Variants in GRM7 observed in about 807,000 individuals in gnomAD.
GRM7 encodes the protein metabotropic glutamate receptor 7.
Under a neutral mutation model 84.5 loss-of-function variants are expected in GRM7, and 35 were observed. The ratio of observed to expected loss-of-function variants is 0.41; its 90% CI spans 0.32 to 0.55. The LOEUF (loss-of-function observed/expected upper bound fraction) is 0.55. Among genes scored for constraint, GRM7 ranks in the 20% least tolerant of loss-of-function variants. GRM7 has a pLI of 0.19. For missense variants in GRM7, 1,003 were observed against 1,194.6 expected, an observed-to-expected ratio of 0.84 and a Z score of 2.36; for synonymous variants, 487 against 455.1, an observed-to-expected ratio of 1.07 and a Z score of -0.89.
intron 4 of GRM7, among the ~76,000 whole-genome samples, chr3:7,320,306 C>T (rs78142844): frequency 0.092 from 13,905 of 151,928 alleles, 859 homozygotes; most frequent in Non-Finnish European, 0.14. Flanking sequence ...TTTTATGTGA[C>T]ACACAAGCCT....
At chr3:7,726,286 T>A (rs1040095046) in intron 9 of GRM7, among the ~76,000 whole-genome samples, 3 of 151,852 alleles carry the variant, frequency 2.0e-5, no homozygotes, top group Non-Finnish European at 4.4e-5. Flanking sequence ...AAAGAGACCC[T>A]TGAAAAAGAA....
chr3:7,145,889 C>A (rs745841947), intron 1 of GRM7, among the ~76,000 whole-genome samples: 4 of 152,150 alleles, frequency 2.6e-5, no homozygotes, highest in Non-Finnish European at 5.9e-5. Context: ...TGGGGAATTT[C>A]TCTTCCCTGG....
chr3:7,287,641 C>A (rs1283327161), intron 2 of GRM7, among the ~76,000 whole-genome samples: 1 of 152,178 alleles, frequency 6.6e-6, no homozygotes, highest in Non-Finnish European at 1.5e-5. Context: ...GAGAGTGACA[C>A]ATTTTTTTAA....
chr3:7,140,393 A>G (rs1224118115), intron 1 of GRM7, among the ~76,000 whole-genome samples: 1 of 151,962 alleles, frequency 6.6e-6, no homozygotes, highest in African/African-American at 2.4e-5. Flanking sequence ...ATTGTAAGCC[A>G]TTCTAACCAG....
chr3:7,187,093 G>A (rs1695544077), intron 2 of GRM7, among the ~76,000 whole-genome samples: 1 of 152,036 alleles, frequency 6.6e-6, no homozygotes, highest in Non-Finnish European at 1.5e-5. Context: ...GCAACATAGT[G>A]AGACCCCATC....
chr3:7,225,223 C>T (rs1237137558), intron 2 of GRM7, among the ~76,000 whole-genome samples: 3 of 151,588 alleles, frequency 2.0e-5, no homozygotes, highest in South Asian at 2.1e-4. Context: ...GTATCCTTCA[C>T]TCATACCTTT....
intron 1 of GRM7, among the ~76,000 whole-genome samples, chr3:6,994,367 G>A (rs1694757723): frequency 6.6e-6 from 1 of 152,190 alleles, no homozygotes; most frequent in African/African-American, 2.4e-5. Context: ...GAGCATGTTA[G>A]CTGGGAGAGG....
In GRM7 at chr3:7,089,918, C is replaced by G. The variant is rs573545795; in HGVS notation, c.520-56534C>G. 3.9e-5 allele frequency among the ~76,000 whole-genome samples: 6 copies of G among 152,272 alleles called. No individual in the cohort carries two copies. In the South Asian group the frequency reaches 6.2e-4, roughly 16 times the overall value. On this transcript the variant is annotated intron_variant, in intron 1 of 9. Coordinates refer to ENST00000357716, the MANE Select transcript of GRM7 (RefSeq NM_000844.4). ...AGTACAGTGGCATGATCTCGGCTCA[C>G]TGCAACCTCTACTCCCCGGGTTCAA...
At chr3:7,473,853 A>G (rs573108411) in intron 7 of GRM7, among the ~76,000 whole-genome samples, 1 of 152,350 alleles carries the variant, frequency 6.6e-6, no homozygotes, top group South Asian at 2.1e-4. Context: ...CAGGACCAAC[A>G]ACAAACCATT....
chr3:7,600,051 T>G (rs930875785), intron 8 of GRM7, among the ~76,000 whole-genome samples: 1 of 152,116 alleles, frequency 6.6e-6, no homozygotes, highest in Non-Finnish European at 1.5e-5. Flanking sequence ...TACTAAACTG[T>G]CCAAAGATGT....
Position 7,054,017 on chromosome 3 carries a change from G to A in GRM7, c.520-92435G>A, listed in dbSNP as rs115113708. On this transcript the variant is annotated intron_variant, in intron 1 of 9. Transcript: ENST00000357716. ...ATTTTATCAATATTTTGTAATTTTTGTTCTACAGTTTTTTCATATGTATTC... is the reference window on the plus strand; with the variant it reads ...ATTTTATCAATATTTTGTAATTTTTATTCTACAGTTTTTTCATATGTATTC... 6.2e-3 allele frequency among the ~76,000 whole-genome samples: 935 copies of A among 150,588 alleles called. 4 individuals carry two copies. Among genetic ancestry groups the A allele is most frequent in the Middle Eastern group, 0.015 (3 of 204 alleles).
chr3:7,364,293 C>T (rs1280865240), intron 4 of GRM7, among the ~76,000 whole-genome samples: 2 of 151,656 alleles, frequency 1.3e-5, no homozygotes, highest in Non-Finnish European at 1.5e-5. Flanking sequence ...GAATTTTTGT[C>T]TTAAATTTGA....
At chr3:7,200,616 A>AC (rs1696033649) in intron 2 of GRM7, among the ~76,000 whole-genome samples, 1 of 152,160 alleles carries the variant, frequency 6.6e-6, no homozygotes. Flanking sequence ...AAAGGAACAG[A>AC]CTGCTGCACT....
intron 8 of GRM7, among the ~76,000 whole-genome samples, chr3:7,603,375 G>T (rs925766823): frequency 6.6e-6 from 1 of 152,124 alleles, no homozygotes; most frequent in Non-Finnish European, 1.5e-5. Context: ...GAAAGAAGTT[G>T]TTGCTGTTGT....
chr3:6,868,481 G>A (rs933902129), intron 1 of GRM7, among the ~76,000 whole-genome samples: 8 of 152,084 alleles, frequency 5.3e-5, no homozygotes, highest in Admixed American at 1.3e-4. Flanking sequence ...AATGAAAAAT[G>A]CTTGTTCTCC....
chr3:7,229,737 ATATATATATATATATATATATATTTTTT>A (rs1559514535), intron 2 of GRM7, among the ~76,000 whole-genome samples: 8 of 21,876 alleles, frequency 3.7e-4, no homozygotes, highest in African/African-American at 1.2e-3. Context: ...ATATATATAT[ATATATATATATATATATATATATTTTTT>A]TTTTTTTTTG....
intron 7 of GRM7, among the ~76,000 whole-genome samples, chr3:7,469,521 C>T (rs1698608270): frequency 6.6e-6 from 1 of 152,146 alleles, no homozygotes; most frequent in Non-Finnish European, 1.5e-5. Flanking sequence ...CATTTATTTG[C>T]TAAAGTTAAA....
chr3:7,638,401 TC>T (rs1260925978), intron 8 of GRM7, among the ~76,000 whole-genome samples: 2 of 152,134 alleles, frequency 1.3e-5, no homozygotes, highest in East Asian at 1.9e-4. Context: ...GACATCAGTA[TC>T]CCCTTTTATG....
intron 1 of GRM7, among the ~76,000 whole-genome samples, chr3:6,979,975 T>G (rs940213312): frequency 1.3e-5 from 2 of 152,186 alleles, no homozygotes; most frequent in Non-Finnish European, 1.5e-5. Flanking sequence ...GAATAAAACA[T>G]ATAATTGCTA....
Sources: allele counts gnomAD v4.1 joint callset (sites outside exome capture counted in the v4.1 genomes callset), GRCh38; gene constraint gnomAD v4.1.1; transcripts MANE v1.5; gene names NCBI Gene and HGNC (gene_info 2026-07-23, HGNC 2026-07-21).